Variants in ZNF521 observed in about 807,000 individuals in gnomAD.
The protein encoded by ZNF521 is LYST-interacting protein 3.
Under a neutral mutation model 105.5 loss-of-function variants are expected in ZNF521, and 14 were observed. The observed-to-expected ratio is 0.13, with a 90% confidence interval of 0.09 to 0.21. The LOEUF (loss-of-function observed/expected upper bound fraction) is 0.21. Among genes scored for constraint, ZNF521 ranks in the 10% least tolerant of loss-of-function variants. The pLI, the probability that ZNF521 is intolerant of heterozygous loss-of-function variation, is 1.00. For missense variants in ZNF521, 1,233 were observed against 1,629.7 expected, an observed-to-expected ratio of 0.76 and a Z score of 4.19; for synonymous variants, 635 against 606.0, an observed-to-expected ratio of 1.05 and a Z score of -0.70.
rs1463327087 is a variant in ZNF521 at position 25,062,215 on chromosome 18, G to A, written c.*497C>T. 9.4e-6 allele frequency: 2 copies of A among 212,946 alleles called. No individual in the cohort carries two copies. The highest frequency in any genetic ancestry group is 4.6e-5 in the African/African-American group (2 of 43,892). The allele number at this position is 212,946 out of a possible 1,614,324, so 13.2% of individuals were successfully genotyped here. On this transcript the variant is annotated 3_prime_UTR_variant, in exon 8 of 8. Transcript: ENST00000361524. The stretch of plus-strand genomic sequence containing the variant: ...TATACGGGCCTTATCCAGCTGTGGG[G>A]TTCTGTTCTGTGAGAACATCTCTTC...
intron 5 of ZNF521, among the ~76,000 whole-genome samples, chr18:25,175,454 C>T (rs2035521387): frequency 6.6e-6 from 1 of 152,146 alleles, no homozygotes; most frequent in South Asian, 2.1e-4. Flanking sequence ...TCAACTCAAG[C>T]AAGGTTGGCT....
At chr18:25,166,583 T>A (rs4629056) in intron 5 of ZNF521, among the ~76,000 whole-genome samples, 67,995 of 152,044 alleles carry the variant, frequency 0.45, 15,374 homozygotes, top group South Asian at 0.59. Flanking sequence ...CACTATATTG[T>A]ACACTGTCAA....
chr18:25,109,430 C>G (rs2034140329), intron 5 of ZNF521, among the ~76,000 whole-genome samples: 1 of 152,072 alleles, frequency 6.6e-6, no homozygotes, highest in Admixed American at 6.5e-5. Context: ...ACGCAGGTGT[C>G]TTTTTATATG....
intron 3 of ZNF521, among the ~76,000 whole-genome samples, chr18:25,304,923 G>T (rs1042207456): frequency 8.5e-5 from 13 of 152,172 alleles, no homozygotes; most frequent in Non-Finnish European, 1.9e-4. Flanking sequence ...GTAGGCAATA[G>T]GTTTCATGAC....
At chr18:25,337,975 G>C (rs1913983899) in intron 2 of ZNF521, among the ~76,000 whole-genome samples, 1 of 152,172 alleles carries the variant, frequency 6.6e-6, no homozygotes. Context: ...ATATATTTAG[G>C]AAGGAGGACA....
chr18:25,119,817 C>A (rs2144342228), intron 5 of ZNF521, among the ~76,000 whole-genome samples: 1 of 151,584 alleles, frequency 6.6e-6, no homozygotes, highest in East Asian at 1.9e-4. Flanking sequence ...AGAAAAGAAA[C>A]AATAAAGATA....
chr18:25,240,019 C>T (rs1445515049), intron 3 of ZNF521, among the ~76,000 whole-genome samples: 1 of 151,854 alleles, frequency 6.6e-6, no homozygotes, highest in Non-Finnish European at 1.5e-5. Flanking sequence ...CTGAGGAGAA[C>T]CCATACTTAT....
At chr18:25,288,977 AT>A (rs528655029) in intron 3 of ZNF521, among the ~76,000 whole-genome samples, 270 of 152,204 alleles carry the variant, frequency 1.8e-3, no homozygotes, top group African/African-American at 6.0e-3. Context: ...TAATAAAAGC[AT>A]TTTTTTTAAC....
chr18:25,190,436 A>T (rs1376320402), intron 5 of ZNF521, among the ~76,000 whole-genome samples: 1 of 152,188 alleles, frequency 6.6e-6, no homozygotes, highest in African/African-American at 2.4e-5. Context: ...AGTCGGTGAA[A>T]GCAAGAGTTT....
chr18:25,214,647 T>C (rs2036249884), intron 4 of ZNF521, among the ~76,000 whole-genome samples: 1 of 152,210 alleles, frequency 6.6e-6, no homozygotes, highest in African/African-American at 2.4e-5. Context: ...GTTCAATGTA[T>C]GTTTTAAACT....
At chr18:25,126,550 T>C (rs943401483) in intron 5 of ZNF521, among the ~76,000 whole-genome samples, 1 of 152,114 alleles carries the variant, frequency 6.6e-6, no homozygotes, top group African/African-American at 2.4e-5. Context: ...GCAGCTCTGT[T>C]TTGTGAAGTA....
intron 5 of ZNF521, among the ~76,000 whole-genome samples, chr18:25,113,037 C>T (rs2144308399): frequency 6.9e-6 from 1 of 144,024 alleles, no homozygotes; most frequent in Non-Finnish European, 1.5e-5. Flanking sequence ...TTCCTCTTTG[C>T]ACCATGCTGG....
intron 7 of ZNF521, among the ~76,000 whole-genome samples, chr18:25,070,931 G>T (rs887376617): frequency 5.3e-5 from 8 of 152,044 alleles, no homozygotes; most frequent in African/African-American, 1.9e-4. Flanking sequence ...AAGAAATGGT[G>T]GTCTATGAGG....
intron 5 of ZNF521, among the ~76,000 whole-genome samples, chr18:25,093,523 A>G (rs1163648557): frequency 2.0e-5 from 3 of 152,218 alleles, no homozygotes; most frequent in Admixed American, 6.5e-5. Context: ...CCACGTCCCA[A>G]TTACAAAGTG....
chr18:25,212,173 T>G (rs1390028991), intron 4 of ZNF521, among the ~76,000 whole-genome samples: 3 of 152,090 alleles, frequency 2.0e-5, no homozygotes, highest in Non-Finnish European at 4.4e-5. Flanking sequence ...TCTATACATG[T>G]TTTGGAAACT....
intron 3 of ZNF521, among the ~76,000 whole-genome samples, chr18:25,252,228 G>A (rs1389166063): frequency 2.6e-5 from 4 of 151,976 alleles, no homozygotes; most frequent in African/African-American, 7.2e-5. Flanking sequence ...AGGAAAATAT[G>A]AAAGGTTATA....
chr18:25,233,373 T>C (rs1489218805), intron 3 of ZNF521, among the ~76,000 whole-genome samples: 3 of 152,206 alleles, frequency 2.0e-5, no homozygotes, highest in Non-Finnish European at 4.4e-5. Context: ...CACATTAAAT[T>C]CACTCCTTTG....
At chr18:25,216,523 T>C (rs973636887) in intron 4 of ZNF521, among the ~76,000 whole-genome samples, 2 of 152,206 alleles carry the variant, frequency 1.3e-5, no homozygotes, top group Admixed American at 1.3e-4. Flanking sequence ...TATGATAAGT[T>C]GATGGGCATT....
chr18:25,252,137 C>T (rs118054320), intron 3 of ZNF521, among the ~76,000 whole-genome samples: 3 of 152,254 alleles, frequency 2.0e-5, no homozygotes, highest in Non-Finnish European at 4.4e-5. Flanking sequence ...ACCCCTCTTA[C>T]TGCTCCCAGT....
Sources: allele counts gnomAD v4.1 joint callset (sites outside exome capture counted in the v4.1 genomes callset), GRCh38; gene constraint gnomAD v4.1.1; transcripts MANE v1.5; gene names NCBI Gene and HGNC (gene_info 2026-07-23, HGNC 2026-07-21).